NAA35: variants seen among roughly 807,000 people sequenced by gnomAD.
NAA35 encodes N-alpha-acetyltransferase 35, NatC auxiliary subunit.
Under a neutral mutation model 101.7 loss-of-function variants are expected in NAA35, and 18 were observed. The ratio of observed to expected loss-of-function variants is 0.18; its 90% CI spans 0.12 to 0.26. NAA35 has a LOEUF of 0.26. Ranked by LOEUF, NAA35 falls within the 10% of genes least tolerant of loss-of-function variation. NAA35 has a pLI of 1.00. For synonymous variants in NAA35, 267 were observed against 273.1 expected (o/e 0.98, Z 0.22); for missense variants, 601 against 886.8 (o/e 0.68, Z 4.09).
chr9:85,992,698 G>A, intron 11 of NAA35, among the ~76,000 whole-genome samples: 1 of 152,208 alleles, frequency 6.6e-6, no homozygotes, highest in East Asian at 1.9e-4. Flanking sequence ...AGGAAAGACT[G>A]AAGAACTGTG....
At chr9:85,958,919 T>C (rs1049489864) in intron 4 of NAA35, among the ~76,000 whole-genome samples, 1 of 152,000 alleles carries the variant, frequency 6.6e-6, no homozygotes, top group African/African-American at 2.4e-5. Context: ...ACAAGTAAAA[T>C]ACTTGTGGTA....
intron 11 of NAA35, among the ~76,000 whole-genome samples, chr9:85,994,393 T>C (rs955945430): frequency 6.6e-6 from 1 of 152,220 alleles, no homozygotes; most frequent in Non-Finnish European, 1.5e-5. Context: ...ACAAGTGATA[T>C]TATGCAATAC....
chr9:85,981,134 T>G (rs1830420743), intron 11 of NAA35, among the ~76,000 whole-genome samples: 1 of 152,184 alleles, frequency 6.6e-6, no homozygotes. Flanking sequence ...TTGTATGTAT[T>G]TATCATCATT....
intron 2 of NAA35, among the ~76,000 whole-genome samples, chr9:85,944,078 TTGA>T (rs1446082567): frequency 2.6e-5 from 4 of 152,220 alleles, no homozygotes; most frequent in Non-Finnish European, 5.9e-5. Context: ...TTTGTTCCCC[TTGA>T]TGATCAGTAC....
chr9:85,958,853 T>G (rs1254240237), intron 4 of NAA35, among the ~76,000 whole-genome samples: 1 of 152,178 alleles, frequency 6.6e-6, no homozygotes, highest in Non-Finnish European at 1.5e-5. Flanking sequence ...ATAGGAAAAT[T>G]GGCTTGGGGG....
At chr9:85,968,506 C>T (rs1027543058) in intron 6 of NAA35, among the ~76,000 whole-genome samples, 4 of 152,084 alleles carry the variant, frequency 2.6e-5, no homozygotes, top group South Asian at 2.1e-4. Flanking sequence ...CCACCGTGCC[C>T]GGCCAAATTT....
chr9:86,024,846 A>T lies in NAA35; in HGVS notation c.*2886A>T, dbSNP rs956009014. On this transcript the variant is annotated 3_prime_UTR_variant, in exon 23 of 23. Transcript: ENST00000361671. ...GGAGGTGCCATCTGGGGTGGAGATGAACTGAGGACTCAGTAACTATAGTCA... is the reference window on the plus strand; with the variant it reads ...GGAGGTGCCATCTGGGGTGGAGATGTACTGAGGACTCAGTAACTATAGTCA... 2.6e-5 allele frequency among the ~76,000 whole-genome samples: 4 copies of T among 152,046 alleles called. No homozygotes were observed. Among genetic ancestry groups the T allele is most frequent in the Non-Finnish European group, 5.9e-5 (4 of 68,004 alleles).
At chr9:85,985,577 A>T (rs1830613136) in intron 11 of NAA35, among the ~76,000 whole-genome samples, 1 of 152,142 alleles carries the variant, frequency 6.6e-6, no homozygotes, top group Non-Finnish European at 1.5e-5. Flanking sequence ...GTTTCCTAGG[A>T]TTGGGGGAAG....
At chr9:86,009,351 A>AAT (rs2118391915) in intron 14 of NAA35, among the ~76,000 whole-genome samples, 1 of 152,024 alleles carries the variant, frequency 6.6e-6, no homozygotes, top group African/African-American at 2.4e-5. Context: ...TGTGACCTTG[A>AAT]CTCTGTTAAT....
intron 13 of NAA35, among the ~76,000 whole-genome samples, chr9:86,006,612 C>T (rs1831654195): frequency 6.6e-6 from 1 of 152,148 alleles, no homozygotes; most frequent in Non-Finnish European, 1.5e-5. Flanking sequence ...AGCTGGAGAG[C>T]AGATCAGTGC....
intron 2 of NAA35, among the ~76,000 whole-genome samples, chr9:85,948,991 G>T (rs991879181): frequency 6.6e-6 from 1 of 152,002 alleles, no homozygotes; most frequent in South Asian, 2.1e-4. Flanking sequence ...TCATGACCTC[G>T]GGTGATCCAC....
intron 2 of NAA35, among the ~76,000 whole-genome samples, chr9:85,952,291 T>G (rs930646378): frequency 5.3e-5 from 8 of 151,344 alleles, no homozygotes; most frequent in Non-Finnish European, 1.0e-4. Context: ...GTTTTTTGTT[T>G]TTTTTTTTTT....
intron 6 of NAA35, among the ~76,000 whole-genome samples, chr9:85,970,844 A>G (rs1829970007): frequency 6.6e-6 from 1 of 152,212 alleles, no homozygotes; most frequent in African/African-American, 2.4e-5. Context: ...TTTTGTTTTT[A>G]GGAAATCACG....
intron 2 of NAA35, among the ~76,000 whole-genome samples, chr9:85,955,348 A>ATATATG (rs1829207893): frequency 1.5e-5 from 1 of 67,940 alleles, no homozygotes; most frequent in Non-Finnish European, 2.7e-5. Flanking sequence ...ATATATATAT[A>ATATATG]TATATATATA....
Position 86,017,659 on chromosome 9 carries a change from T to G in NAA35, c.1773+94T>G, listed in dbSNP as rs532441979. ...GTTTTCTGTGATTCTTTCCATATTA[T>G]AATTTCACCTTTGTTTTACTTCCTG... is the stretch of plus-strand genomic sequence containing the variant. On this transcript the variant is annotated intron_variant, in intron 19 of 22. Transcript: ENST00000361671. 1.7e-5 allele frequency: 17 copies of G among 1,018,182 alleles called. No individual in the cohort carries two copies. In the East Asian group the frequency reaches 4.2e-4, roughly 25 times the overall value. 63.1% of individuals were successfully genotyped at this position (1,018,182 alleles called of 1,614,324 possible). A position where few individuals can be genotyped will look rare whatever the true frequency, so the allele number is the denominator to read the frequency against.
intron 11 of NAA35, among the ~76,000 whole-genome samples, chr9:85,989,343 C>T (rs765447867): frequency 2.7e-4 from 41 of 151,942 alleles, no homozygotes; most frequent in Non-Finnish European, 4.7e-4. Context: ...TGGTAGTGGG[C>T]GCCTGTAATC....
chr9:86,013,825 T>C lies in NAA35; in HGVS notation c.1496T>C (p.Ile499Thr), dbSNP rs755296908. The C allele has an allele frequency of 1.9e-6, 3 of 1,614,058 alleles. No individual in the cohort carries two copies. Among genetic ancestry groups the C allele is most frequent in the Admixed American group, 3.3e-5 (2 of 60,010 alleles). The change falls in exon 17 of 23, where the codon ATT becomes ACT. Residue 499 changes from isoleucine to threonine, a missense_variant. Coordinates refer to ENST00000361671, the MANE Select transcript of NAA35 (RefSeq NM_024635.4). ...GTWVLYHNLR[I>T]MIQYLLSGFE... ...TGGGTCCTTTACCATAACCTTCGCA[T>C]TATGATACAGTACCTTCTAAGTGGC...
At chr9:85,974,048 C>T (rs1185475664) in intron 6 of NAA35, among the ~76,000 whole-genome samples, 2 of 152,108 alleles carry the variant, frequency 1.3e-5, no homozygotes, top group African/African-American at 4.8e-5. Flanking sequence ...CCTCCACCTC[C>T]TGCGTTCAAG....
intron 12 of NAA35, among the ~76,000 whole-genome samples, chr9:86,000,025 T>C (rs141504472): frequency 2.0e-5 from 3 of 152,254 alleles, no homozygotes; most frequent in Admixed American, 6.5e-5. Flanking sequence ...CTTACATAAA[T>C]AAACACTTGG....
Sources: gnomAD v4.1 joint callset for allele counts (sites outside exome capture counted in the v4.1 genomes callset) on GRCh38, gnomAD v4.1.1 for gene constraint, MANE v1.5 for transcripts, NCBI Gene and HGNC (gene_info 2026-07-23, HGNC 2026-07-21) for gene names.